NFRKB: variants seen among roughly 807,000 people sequenced by gnomAD.
NFRKB encodes nuclear factor related to kappaB binding protein.
In NFRKB, 62 loss-of-function variants were observed where a neutral mutation model predicts 135.7. The observed-to-expected ratio is 0.46, with a 90% CI of 0.37 to 0.56. The LOEUF (loss-of-function observed/expected upper bound fraction) is 0.56, where lower values mean the gene tolerates loss of function less well. Ranked by LOEUF, NFRKB falls within the 20% of genes least tolerant of loss-of-function variation. The probability of loss-of-function intolerance (pLI) is 0.00; values close to 1 mark genes in which losing one functional copy is unlikely to be tolerated. For missense variants in NFRKB, 1,545 were observed against 1,662.0 expected, an observed-to-expected ratio of 0.93 and a Z score of 1.22; for synonymous variants, 678 against 635.6, an observed-to-expected ratio of 1.07 and a Z score of -1.00.
At chr11:129,871,048 A>T (rs997931894) in intron 23 of NFRKB, among the ~76,000 whole-genome samples, 1 of 152,174 alleles carries the variant, frequency 6.6e-6, no homozygotes. Flanking sequence ...CCCTAGGTAG[A>T]TATTAACATC....
At chr11:129,890,141 G>C (rs1408414326) in intron 3 of NFRKB, among the ~76,000 whole-genome samples, 3 of 151,482 alleles carry the variant, frequency 2.0e-5, no homozygotes, top group Admixed American at 2.0e-4. Flanking sequence ...AAGCATTTTA[G>C]GTAGTTGTGA....
At position 129,878,545 on chromosome 11, in the gene NFRKB, T is replaced by G. The variant is rs1266671703; in HGVS notation, c.1385-2A>C. On this transcript the variant is annotated splice_acceptor_variant, in intron 13 of 26. Coordinates refer to ENST00000682444, the MANE Select transcript of NFRKB (RefSeq NM_001143835.2). LOFTEE classifies it high-confidence loss of function. ...CCTTTTCATTATCTTGGGATTGGCC[T>G]ATTAGAGGAATAAAGAGATAAAAAA... 6.2e-7 allele frequency: 1 copy of G among 1,612,448 alleles called. No individual in the cohort carries two copies.
At chr11:129,891,235 GC>G (rs1949546385) in intron 3 of NFRKB, among the ~76,000 whole-genome samples, 2 of 152,172 alleles carry the variant, frequency 1.3e-5, no homozygotes, top group South Asian at 4.1e-4. Context: ...ATGCCAGCTA[GC>G]CCACTGGTTG....
intron 24 of NFRKB, among the ~76,000 whole-genome samples, chr11:129,868,328 C>A (rs1461173221): frequency 6.6e-6 from 1 of 152,190 alleles, no homozygotes; most frequent in Non-Finnish European, 1.5e-5. Flanking sequence ...ACATGCCAAT[C>A]TCCAAATGAA....
rs142369758 is a variant in NFRKB at position 129,873,836 on chromosome 11, G to C, written c.2459C>G (p.Ser820Trp). ...TGGCAATGTCTGTGCCGGCCCTCCC[G>C]ACTGCTGGGGAACAGCAGGAAGGCT... The part of the protein sequence containing the change: ...QPSLPAVPQQ[S>W]GGPAQTLPQM... The change falls in exon 22 of 27, where the codon TCG becomes TGG. Residue 820 changes from serine to tryptophan, a missense_variant. Coordinates refer to ENST00000682444, the MANE Select transcript of NFRKB (RefSeq NM_001143835.2). The C allele has an allele frequency of 6.2e-7, 1 of 1,614,194 alleles. No homozygotes were observed. Among genetic ancestry groups the C allele is most frequent in the Non-Finnish European group, 8.5e-7 (1 of 1,180,034 alleles).
intron 3 of NFRKB, among the ~76,000 whole-genome samples, chr11:129,891,647 T>C (rs1353325563): frequency 6.6e-6 from 1 of 152,206 alleles, no homozygotes; most frequent in Non-Finnish European, 1.5e-5. Context: ...GTGGCCTCCA[T>C]GGTACTCCAC....
At chr11:129,884,928 C>A in intron 6 of NFRKB, 82 bp from the exon 7 acceptor site, 1 of 1,605,598 alleles carries the variant, frequency 6.2e-7, no homozygotes, top group South Asian at 1.1e-5. Flanking sequence ...CATTTGGGTT[C>A]AACAAGGCTA....
rs770282974 is a variant in NFRKB at position 129,870,165 on chromosome 11, G to A, written c.2860C>T (p.Arg954Cys). 2.5e-6 allele frequency: 4 copies of A among 1,614,204 alleles called. No homozygotes were observed. The highest frequency in any genetic ancestry group is 1.7e-5 in the Admixed American group (1 of 60,030). Residue 954 changes from arginine (R) to cysteine (C), a missense_variant, in exon 24 of 27, where the codon CGT becomes TGT. Around this residue, in one of 3 missense-constraint regions of NFRKB, gnomAD observed 753 missense variants for 804.3 expected, o/e 0.94. Coordinates refer to ENST00000682444, the MANE Select transcript of NFRKB (RefSeq NM_001143835.2). ...GTGGTGATGGAAGAGGGCGGCAGACGCAATACATCCTTACCCTGGATGCGG... is the reference window on the plus strand; with the variant it reads ...GTGGTGATGGAAGAGGGCGGCAGACACAATACATCCTTACCCTGGATGCGG... ...NFRIQGKDVLRLPPSSITTDA... is the reference protein window; with the variant it reads ...NFRIQGKDVLCLPPSSITTDA...
In NFRKB at chr11:129,870,227, T is replaced by A; in HGVS notation, c.2798A>T (p.Gln933Leu). ...AITGQLGVKP[Q>L]TGNSIPLTAT... ...TGTGAGTGGAATGCTGTTGCCTGTT[T>A]GGGGCTTCACACCAAGCTGCCCAGT... Residue 933 changes from glutamine (Q) to leucine (L), a missense_variant, in exon 24 of 27, where the codon CAA becomes CTA. By Grantham distance (113) the Gln-to-Leu change is moderately radical. This residue lies in a region of NFRKB where 753 missense variants were observed against 804.3 expected (regional missense o/e 0.94). Transcript: ENST00000682444. The A allele has an allele frequency of 6.2e-7, 1 of 1,614,098 alleles. No homozygotes were observed. Among genetic ancestry groups the A allele is most frequent in the Non-Finnish European group, 8.5e-7 (1 of 1,179,952 alleles).
intron 18 of NFRKB, among the ~76,000 whole-genome samples, 160 bp downstream of exon 18, chr11:129,875,197 G>A (rs1000011855): frequency 6.6e-6 from 1 of 152,166 alleles, no homozygotes; most frequent in African/African-American, 2.4e-5. Flanking sequence ...AGCAAAATTT[G>A]TGTTTCACTA....
intron 18 of NFRKB, 98 bp downstream of exon 18, chr11:129,875,259 A>T: frequency 9.8e-7 from 1 of 1,021,200 alleles, no homozygotes; most frequent in Non-Finnish European, 1.4e-6. Context: ...TTTTCACTTC[A>T]TTCAGTTTTT....
intron 13 of NFRKB, among the ~76,000 whole-genome samples, chr11:129,878,775 G>A (rs1170981344): frequency 6.6e-6 from 1 of 152,214 alleles, no homozygotes; most frequent in Admixed American, 6.5e-5. Context: ...AGTATCCACT[G>A]TGCCACGCAC....
rs1949646537 is a variant in NFRKB at position 129,893,405 on chromosome 11, A to AAAAT, written c.-21-536_-21-535insATTT. 5.1e-6 allele frequency: 2 copies of AAAAT among 390,390 alleles called. 1 individual carries two copies. Among genetic ancestry groups the AAAAT allele is most frequent in the Non-Finnish European group, 9.9e-6 (2 of 201,772 alleles). The allele number at this position is 390,390 out of a possible 1,614,324, so 24.2% of individuals were successfully genotyped here. Reference sequence around the variant, plus strand: ...CCTTCTCTACAAAAAAAAAAAAAAAAAAAAATCAGCCAGGCGTGGTGGCGC... The same window carrying AAAAT: ...CCTTCTCTACAAAAAAAAAAAAAAAAAAATAAAAATCAGCCAGGCGTGGTGGCGC... On this transcript the variant is annotated intron_variant, in intron 2 of 26. Coordinates refer to ENST00000682444, the MANE Select transcript of NFRKB (RefSeq NM_001143835.2).
rs1481185934 is a variant in NFRKB at position 129,869,874 on chromosome 11, T to C, written c.3151A>G (p.Thr1051Ala). The C allele has an allele frequency of 6.2e-7, 1 of 1,614,244 alleles. No individual in the cohort carries two copies. Among genetic ancestry groups the C allele is most frequent in the Non-Finnish European group, 8.5e-7 (1 of 1,180,042 alleles). ...CGAAAAGCCGAACTTGAGGCTTCTG[T>C]TGGCTTGAGGTCAGGAGTCACTTTG... is the stretch of plus-strand genomic sequence containing the variant. ...VVKVTPDLKP[T>A]EASSSAFRLM... The change falls in exon 24 of 27, where the codon ACA becomes GCA. Residue 1051 changes from threonine to alanine, a missense_variant. By Grantham distance (58) the Thr-to-Ala change is moderately conservative (BLOSUM62 0). Around this residue, in one of 3 missense-constraint regions of NFRKB, gnomAD observed 753 missense variants for 804.3 expected, o/e 0.94. Transcript: ENST00000682444.
chr11:129,883,188 T>C lies in NFRKB; in HGVS notation c.835A>G (p.Thr279Ala), dbSNP rs565830286. Residue 279 changes from threonine (T) to alanine (A), a missense_variant, in exon 9 of 27, where the codon ACA becomes GCA. Physicochemically the swap from Thr to Ala is moderately conservative, Grantham distance 58. Coordinates refer to ENST00000682444, the MANE Select transcript of NFRKB (RefSeq NM_001143835.2). ...KHQPDHPDLL[T>A]GDLTLNDIMT... ...ATGTCATTGAGAGTCAGGTCCCCTGTCAAAAGGTCCGGGTGATCCTAGATG... is the reference window on the plus strand; with the variant it reads ...ATGTCATTGAGAGTCAGGTCCCCTGCCAAAAGGTCCGGGTGATCCTAGATG... 1 of 1,613,962 alleles carries C rather than the reference T, an allele frequency of 6.2e-7. No individual in the cohort carries two copies. The highest frequency in any genetic ancestry group is 1.3e-5 in the African/African-American group (1 of 74,902).
chr11:129,868,652 C>T (rs529311755), intron 24 of NFRKB, among the ~76,000 whole-genome samples: 2 of 152,322 alleles, frequency 1.3e-5, no homozygotes, highest in Non-Finnish European at 2.9e-5. Flanking sequence ...AGCAGAGCCC[C>T]TTCTACCGGT....
At chr11:129,881,658 C>T in intron 12 of NFRKB, 69 bp downstream of exon 12, 1 of 1,592,274 alleles carries the variant, frequency 6.3e-7, no homozygotes, top group Non-Finnish European at 8.6e-7. Flanking sequence ...AGCAAAGCTG[C>T]AGTTTATTCT....
chr11:129,873,627 C>G, intron 22 of NFRKB, 118 bp downstream of exon 22: 1 of 1,355,620 alleles, frequency 7.4e-7, no homozygotes, highest in South Asian at 1.4e-5. Context: ...TGAATGTCAT[C>G]ACCAGTAGCA....
Position 129,892,884 on chromosome 11 carries a change from T to C in NFRKB, c.-21-14A>G, listed in dbSNP as rs764941913. On this transcript the variant is annotated splice_polypyrimidine_tract_variant and intron_variant, in intron 2 of 26. Coordinates refer to ENST00000682444, the MANE Select transcript of NFRKB (RefSeq NM_001143835.2). ...TCCACAGGTACTCTGGACAAAGACA[T>C]GCATCTTGAGACAGAAAGGCAGAAA... 1.2e-6 allele frequency: 2 copies of C among 1,614,092 alleles called. No homozygotes were observed. Among genetic ancestry groups the C allele is most frequent in the Non-Finnish European group, 8.5e-7 (1 of 1,179,970 alleles).
Sources: allele counts gnomAD v4.1 joint callset (sites outside exome capture counted in the v4.1 genomes callset), GRCh38; gene constraint gnomAD v4.1.1; regional missense constraint gnomAD v4.1.1; transcripts MANE v1.5; gene names NCBI Gene and HGNC (gene_info 2026-07-23, HGNC 2026-07-21).